Variants in CSMD1 observed in about 807,000 individuals in gnomAD.
CSMD1 encodes the protein CUB and sushi domain-containing protein 1.
In CSMD1, 213 loss-of-function variants were observed where a neutral mutation model predicts 417.5. The observed-to-expected ratio is 0.51, with a 90% CI of 0.46 to 0.57. The LOEUF (loss-of-function observed/expected upper bound fraction) is 0.57, where lower values mean the gene tolerates loss of function less well. Among genes scored for constraint, CSMD1 ranks in the 20% least tolerant of loss-of-function variants. CSMD1 has a pLI of 0.00. For missense variants in CSMD1, 6,923 were observed against 4,529.7 expected, an observed-to-expected ratio of 1.53 and a Z score of -15.17; for synonymous variants, 2,862 against 1,736.8, an observed-to-expected ratio of 1.65 and a Z score of -16.11.
At chr8:4,512,416 A>G (rs1431358284) in intron 2 of CSMD1, among the ~76,000 whole-genome samples, 5 of 152,196 alleles carry the variant, frequency 3.3e-5, no homozygotes, top group Non-Finnish European at 7.3e-5. Context: ...GATTTCCAAC[A>G]TCGTAGCTAA....
chr8:3,396,881 GA>G (rs1019652894), intron 16 of CSMD1, among the ~76,000 whole-genome samples: 13 of 148,952 alleles, frequency 8.7e-5, no homozygotes, highest in African/African-American at 1.7e-4. Context: ...CACCTTTCCT[GA>G]AAAAAAAAAT....
intron 6 of CSMD1, among the ~76,000 whole-genome samples, chr8:3,726,230 T>C (rs1403226155): frequency 1.3e-5 from 2 of 152,090 alleles, no homozygotes; most frequent in Non-Finnish European, 2.9e-5. Flanking sequence ...GCATTGACTG[T>C]AAACCCATGA....
chr8:3,510,659 T>C (rs568884476), intron 10 of CSMD1, among the ~76,000 whole-genome samples: 5 of 139,064 alleles, frequency 3.6e-5, no homozygotes, highest in South Asian at 4.6e-4. Flanking sequence ...TTTCAGATTA[T>C]GTAAGATATA....
rs571185585 is a variant in CSMD1, at chr8:4,745,450, C to T, written c.86-107892G>A. ...GACTATGTATAGTATTGAAAGAAAG[C>T]TCTCTTAGATACTATTTAACACTGT... On this transcript the variant is annotated intron_variant, in intron 1 of 69. Coordinates refer to ENST00000635120, the MANE Select transcript of CSMD1 (RefSeq NM_033225.6). Among the ~76,000 whole-genome samples, 5 of 152,252 alleles carry T rather than the reference C, an allele frequency of 3.3e-5. No homozygotes were observed. The South Asian group carries it at 1.0e-3, about 32-fold the overall frequency.
intron 5 of CSMD1, among the ~76,000 whole-genome samples, chr8:3,979,268 G>C (rs1487221667): frequency 1.3e-5 from 2 of 152,184 alleles, no homozygotes; most frequent in Non-Finnish European, 2.9e-5. Flanking sequence ...TTTGGGAGCG[G>C]ATTGCAATGT....
intron 26 of CSMD1, among the ~76,000 whole-genome samples, chr8:3,256,624 A>G (rs1386083811): frequency 6.6e-6 from 1 of 152,188 alleles, no homozygotes; most frequent in Non-Finnish European, 1.5e-5. Flanking sequence ...TTGACTCTGA[A>G]TCCCACTTCC....
At chr8:4,012,386 T>A (rs754600551) in intron 4 of CSMD1, among the ~76,000 whole-genome samples, 61 of 152,200 alleles carry the variant, frequency 4.0e-4, no homozygotes, top group Non-Finnish European at 7.3e-4. Flanking sequence ...GCCTTGTTGA[T>A]CTCATCCAGT....
intron 2 of CSMD1, among the ~76,000 whole-genome samples, chr8:4,461,067 CA>C (rs1348828179): frequency 1.3e-5 from 2 of 152,024 alleles, no homozygotes; most frequent in African/African-American, 4.8e-5. Context: ...ATACTGTGTC[CA>C]AGTGCTATTT....
chr8:4,611,537 A>G (rs371259095), intron 2 of CSMD1, among the ~76,000 whole-genome samples: 6 of 152,266 alleles, frequency 3.9e-5, no homozygotes, highest in South Asian at 2.1e-4. Context: ...TAAGACCCGT[A>G]TATGTATTGC....
At chr8:4,954,930 A>T (rs1325534622) in intron 1 of CSMD1, among the ~76,000 whole-genome samples, 2 of 152,146 alleles carry the variant, frequency 1.3e-5, no homozygotes, top group Non-Finnish European at 2.9e-5. Context: ...CAGTGAAAAC[A>T]TGTTTCTGTT....
intron 3 of CSMD1, among the ~76,000 whole-genome samples, chr8:4,067,557 C>G (rs1206390665): frequency 1.3e-5 from 2 of 151,926 alleles, no homozygotes; most frequent in African/African-American, 4.8e-5. Flanking sequence ...GTACCTAAAG[C>G]CAGAATAAGT....
At chr8:3,153,915 A>G (rs1819355301) in intron 39 of CSMD1, among the ~76,000 whole-genome samples, 1 of 152,176 alleles carries the variant, frequency 6.6e-6, no homozygotes, top group African/African-American at 2.4e-5. Context: ...CTACAAGTCA[A>G]TAGATAAGCG....
intron 6 of CSMD1, among the ~76,000 whole-genome samples, chr8:3,738,099 G>C (rs1464848807): frequency 6.6e-6 from 1 of 152,158 alleles, no homozygotes; most frequent in Non-Finnish European, 1.5e-5. Context: ...CATTAGCACT[G>C]TGTGGGCTCT....
intron 10 of CSMD1, among the ~76,000 whole-genome samples, chr8:3,524,740 C>A (rs1009378359): frequency 1.4e-5 from 2 of 147,898 alleles, no homozygotes; most frequent in East Asian, 4.1e-4. Context: ...ACATGCACAC[C>A]GAGACATGTG....
chr8:4,736,320 T>C (rs1810231020), intron 1 of CSMD1, among the ~76,000 whole-genome samples: 1 of 152,176 alleles, frequency 6.6e-6, no homozygotes, highest in South Asian at 2.1e-4. Flanking sequence ...AGGTAGTTGA[T>C]TATTCTTGGA....
intron 3 of CSMD1, among the ~76,000 whole-genome samples, chr8:4,282,809 G>T (rs917042017): frequency 6.6e-6 from 1 of 152,012 alleles, no homozygotes; most frequent in Admixed American, 6.6e-5. Context: ...ATGGAGTCGG[G>T]TATATATCAG....
chr8:4,422,398 G>A (rs1378596735), intron 2 of CSMD1, among the ~76,000 whole-genome samples: 1 of 152,102 alleles, frequency 6.6e-6, no homozygotes, highest in Non-Finnish European at 1.5e-5. Flanking sequence ...GGGCTTTACA[G>A]AGGTAATTAT....
At chr8:3,973,082 G>A (rs537481651) in intron 5 of CSMD1, among the ~76,000 whole-genome samples, 38 of 152,180 alleles carry the variant, frequency 2.5e-4, no homozygotes, top group Admixed American at 9.2e-4. Flanking sequence ...TTGTTTTACA[G>A]AATACCTAAT....
chr8:4,330,696 T>C (rs1401217409), intron 3 of CSMD1, among the ~76,000 whole-genome samples: 2 of 152,160 alleles, frequency 1.3e-5, no homozygotes, highest in Admixed American at 1.3e-4. Context: ...GTTTGCTCAA[T>C]TTTCTGTAGG....
Sources: gnomAD v4.1 joint callset for allele counts (sites outside exome capture counted in the v4.1 genomes callset) on GRCh38, gnomAD v4.1.1 for gene constraint, MANE v1.5 for transcripts, NCBI Gene and HGNC (gene_info 2026-07-23, HGNC 2026-07-21) for gene names.